NARS2: variants seen among roughly 807,000 people sequenced by gnomAD.
The protein encoded by NARS2 is asparaginyl-tRNA synthetase 2, mitochondrial.
A neutral mutation model predicts 62.9 loss-of-function variants in NARS2; 60 were observed. The observed-to-expected ratio is 0.95, with a 90% CI of 0.77 to 1.18. The LOEUF (loss-of-function observed/expected upper bound fraction) is 1.18, where lower values mean the gene tolerates loss of function less well. Among genes scored for constraint, NARS2 ranks in the 50% most tolerant of loss-of-function variants. The pLI is 0.00. For synonymous variants in NARS2, 196 were observed against 200.0 expected, an observed-to-expected ratio of 0.98 and a Z score of 0.17; for missense variants, 619 against 576.4, an observed-to-expected ratio of 1.07 and a Z score of -0.76.
intron 6 of NARS2, among the ~76,000 whole-genome samples, chr11:78,522,477 A>G (rs1272964622): frequency 6.6e-6 from 1 of 152,222 alleles, no homozygotes; most frequent in African/African-American, 2.4e-5. Context: ...AAGAATTTGG[A>G]CCATCCCATT....
At chr11:78,512,830 T>A (rs774176676) in intron 6 of NARS2, among the ~76,000 whole-genome samples, 2 of 152,240 alleles carry the variant, frequency 1.3e-5, no homozygotes, top group African/African-American at 2.4e-5. Flanking sequence ...AAATATGGGA[T>A]ACATAAGATA....
intron 11 of NARS2, among the ~76,000 whole-genome samples, chr11:78,446,790 T>G (rs1292088101): frequency 3.3e-5 from 5 of 152,106 alleles, no homozygotes; most frequent in Non-Finnish European, 7.4e-5. Flanking sequence ...GGGCAATGAT[T>G]TTTTTGGAGA....
At chr11:78,471,260 T>TA (rs1858859566) in intron 9 of NARS2, among the ~76,000 whole-genome samples, 1 of 152,144 alleles carries the variant, frequency 6.6e-6, no homozygotes, top group Non-Finnish European at 1.5e-5. Context: ...CTCATGTAAG[T>TA]AAATAGTAAA....
intron 7 of NARS2, among the ~76,000 whole-genome samples, chr11:78,482,959 T>C (rs1189876784): frequency 6.6e-6 from 1 of 152,044 alleles, no homozygotes; most frequent in African/African-American, 2.4e-5. Context: ...CAGGCCAATA[T>C]CCCTGATGAA....
chr11:78,533,265 CA>C (rs1193196427), intron 5 of NARS2: 3 of 152,142 alleles, frequency 2.0e-5, no homozygotes, highest in Non-Finnish European at 4.4e-5. Context: ...GAACCTGATT[CA>C]ACAACTGATG....
rs1352617802 is a variant in NARS2, at chr11:78,505,321, CACAT to C, written c.690-12130_690-12127del. On this transcript the variant is annotated intron_variant, in intron 6 of 13. Transcript: ENST00000281038. The stretch of plus-strand genomic sequence containing the variant: ...ACACACACACACACACACACACACA[CACAT>C]ACGTATGTATATATCTTATGTTAAA... Among the ~76,000 whole-genome samples the C allele has an allele frequency of 6.1e-3, 634 of 103,278 alleles. 3 individuals carry two copies. Among genetic ancestry groups the C allele is most frequent in the African/African-American group, 0.021 (554 of 26,516 alleles). 67.8% of individuals were successfully genotyped at this position (103,278 alleles called of 152,430 possible). A position where few individuals can be genotyped will look rare whatever the true frequency, so the allele number is the denominator to read the frequency against.
chr11:78,495,961 A>C (rs1175950737), intron 6 of NARS2, among the ~76,000 whole-genome samples: 2 of 152,192 alleles, frequency 1.3e-5, no homozygotes, highest in Non-Finnish European at 2.9e-5. Context: ...TGCAGTGGTT[A>C]ATGATTTTCC....
At chr11:78,538,670 T>C (rs1016134767) in intron 5 of NARS2, among the ~76,000 whole-genome samples, 2 of 152,030 alleles carry the variant, frequency 1.3e-5, no homozygotes, top group Non-Finnish European at 2.9e-5. Context: ...CAGGTGACTG[T>C]AGCTTGAGGG....
chr11:78,572,145 G>A (rs945846047), intron 1 of NARS2, among the ~76,000 whole-genome samples: 1 of 152,096 alleles, frequency 6.6e-6, no homozygotes, highest in African/African-American at 2.4e-5. Context: ...TCGCGCCAGT[G>A]CACTCCAGCC....
In NARS2 at chr11:78,493,975, G is replaced by C. The variant is rs553013621; in HGVS notation, c.690-780C>G. On this transcript the variant is annotated intron_variant, in intron 6 of 13. Coordinates refer to ENST00000281038, the MANE Select transcript of NARS2 (RefSeq NM_024678.6). ...TTTATTTTTTAAACACAAGAAAAAA[G>C]AACGTCAGATACATATTGCAGTTCA... Among the ~76,000 whole-genome samples the C allele has an allele frequency of 9.2e-5, 14 of 152,270 alleles. No individual in the cohort carries two copies. The South Asian group carries it at 2.1e-3, about 23-fold the overall frequency.
intron 11 of NARS2, among the ~76,000 whole-genome samples, chr11:78,444,463 C>T (rs1857682164): frequency 6.6e-6 from 1 of 152,044 alleles, no homozygotes; most frequent in African/African-American, 2.4e-5. Context: ...CACCTGTAAT[C>T]CTAGCACTTT....
intron 9 of NARS2, among the ~76,000 whole-genome samples, chr11:78,471,000 A>T (rs569027824): frequency 1.3e-5 from 2 of 151,846 alleles, no homozygotes; most frequent in East Asian, 3.9e-4. Context: ...GTTCATATCC[A>T]TAACAACTAA....
intron 5 of NARS2, among the ~76,000 whole-genome samples, chr11:78,541,535 T>C (rs890462239): frequency 6.6e-6 from 1 of 152,072 alleles, no homozygotes; most frequent in Non-Finnish European, 1.5e-5. Context: ...CTCCTAAGTA[T>C]GAAATGCTGA....
chr11:78,468,907 T>C (rs1377108312), intron 10 of NARS2, among the ~76,000 whole-genome samples: 1 of 151,828 alleles, frequency 6.6e-6, no homozygotes, highest in South Asian at 2.1e-4. Context: ...GCTGGAATTA[T>C]AGGCGTGAGC....
intron 6 of NARS2, among the ~76,000 whole-genome samples, chr11:78,504,784 G>C (rs1260372676): frequency 6.6e-6 from 1 of 152,094 alleles, no homozygotes; most frequent in African/African-American, 2.4e-5. Flanking sequence ...CCGGTGAAGA[G>C]AGAAATTTAA....
At chr11:78,485,418 CT>C (rs1403950981) in intron 7 of NARS2, among the ~76,000 whole-genome samples, 2 of 151,982 alleles carry the variant, frequency 1.3e-5, no homozygotes, top group Non-Finnish European at 1.5e-5. Flanking sequence ...AAAAAAAACT[CT>C]GGTCAGAATA....
At chr11:78,553,736 T>C (rs1338137541) in intron 5 of NARS2, among the ~76,000 whole-genome samples, 1 of 152,262 alleles carries the variant, frequency 6.6e-6, no homozygotes. Flanking sequence ...TCTTTTGCTA[T>C]GCAGAAGCTC....
chr11:78,518,428 G>GCTGA (rs1252006006), intron 6 of NARS2, among the ~76,000 whole-genome samples: 1 of 152,182 alleles, frequency 6.6e-6, no homozygotes, highest in African/African-American at 2.4e-5. Context: ...AGGACATGGA[G>GCTGA]CTGAGACAGA....
At chr11:78,465,730 G>C (rs1355138646) in intron 11 of NARS2, 146 bp downstream of exon 11, 9 of 877,816 alleles carry the variant, frequency 1.0e-5, no homozygotes, top group Non-Finnish European at 1.5e-5. Flanking sequence ...ATCTTCTTTG[G>C]GAAAAATTTT....
Sources: allele counts gnomAD v4.1 joint callset (sites outside exome capture counted in the v4.1 genomes callset), GRCh38; gene constraint gnomAD v4.1.1; transcripts MANE v1.5; gene names NCBI Gene and HGNC (gene_info 2026-07-23, HGNC 2026-07-21).